Variants in NRG3 observed in about 807,000 individuals in gnomAD.
NRG3 encodes neuregulin 3, also known as pro-neuregulin-3, membrane-bound isoform.
NRG3 carries 31 observed loss-of-function variants against 66.9 expected under a neutral mutation model. The ratio of observed to expected loss-of-function variants is 0.46; its 90% CI spans 0.35 to 0.63. The LOEUF is 0.63. Ranked by LOEUF, NRG3 falls within the 20% of genes least tolerant of loss-of-function variation. The probability of loss-of-function intolerance (pLI) is 0.00; values close to 1 mark genes in which losing one functional copy is unlikely to be tolerated. For missense variants in NRG3, 910 were observed against 878.9 expected, an observed-to-expected ratio of 1.04 and a Z score of -0.45; for synonymous variants, 393 against 359.4, an observed-to-expected ratio of 1.09 and a Z score of -1.06.
intron 1 of NRG3, among the ~76,000 whole-genome samples, chr10:81,952,146 A>T (rs1464276855): frequency 6.6e-6 from 1 of 152,142 alleles, no homozygotes; most frequent in African/African-American, 2.4e-5. Flanking sequence ...ATGTTAAATG[A>T]CGAGTTACTG....
rs1435761142 is a variant in NRG3, at chr10:82,738,580, C to T, written c.957C>T (p.Cys319=). Reference sequence around the variant, plus strand: ...GTCATTTATCCCCTTTTCTCAGGTGCAAAGAAGGCTACCAAGGAGTCCGTT... The same window carrying T: ...GTCATTTATCCCCTTTTCTCAGGTGTAAAGAAGGCTACCAAGGAGTCCGTT... The part of the protein sequence containing the change: ...TLTGSHKHCR[C]KEGYQGVRCD... Residue 319 remains cysteine (C), a synonymous_variant, in exon 3 of 9, where the codon TGC becomes TGT. Coordinates refer to ENST00000372141, the MANE Select transcript of NRG3 (RefSeq NM_001010848.4). 2 of 1,613,876 alleles carry T rather than the reference C, an allele frequency of 1.2e-6. No homozygotes were observed. Among genetic ancestry groups the T allele is most frequent in the Admixed American group, 3.3e-5 (2 of 60,018 alleles).
chr10:82,734,996 G>T (rs1436940010), intron 2 of NRG3, among the ~76,000 whole-genome samples: 2 of 131,488 alleles, frequency 1.5e-5, no homozygotes, highest in Non-Finnish European at 3.1e-5. Flanking sequence ...AACAGAGTAA[G>T]ACTCTGCCTC....
intron 2 of NRG3, among the ~76,000 whole-genome samples, chr10:82,587,760 G>C (rs1303258322): frequency 6.6e-6 from 1 of 152,164 alleles, no homozygotes; most frequent in Non-Finnish European, 1.5e-5. Flanking sequence ...ACATGAATTT[G>C]AGTGACATTT....
intron 1 of NRG3, among the ~76,000 whole-genome samples, chr10:81,943,502 T>C (rs577312818): frequency 2.0e-5 from 3 of 152,328 alleles, no homozygotes; most frequent in African/African-American, 7.2e-5. Flanking sequence ...TAAAATGGCA[T>C]TGAAGAGAGA....
chr10:82,475,059 G>T (rs914772202), intron 2 of NRG3, among the ~76,000 whole-genome samples: 1 of 151,080 alleles, frequency 6.6e-6, no homozygotes, highest in Non-Finnish European at 1.5e-5. Context: ...TAAAAACCTC[G>T]AAAAACAGCA....
intron 2 of NRG3, among the ~76,000 whole-genome samples, chr10:82,688,645 A>G (rs2054687726): frequency 6.6e-6 from 1 of 152,216 alleles, no homozygotes. Flanking sequence ...AATCACAACA[A>G]TATTTATTTC....
At chr10:82,982,338 C>T (rs1853011923) in intron 8 of NRG3, among the ~76,000 whole-genome samples, 1 of 152,144 alleles carries the variant, frequency 6.6e-6, no homozygotes, top group South Asian at 2.1e-4. Flanking sequence ...TGCTTCGACT[C>T]ACATAGTTAC....
At chr10:82,029,824 T>A (rs1479555977) in intron 1 of NRG3, among the ~76,000 whole-genome samples, 1 of 152,044 alleles carries the variant, frequency 6.6e-6, no homozygotes, top group Non-Finnish European at 1.5e-5. Context: ...ATGAGCTAAT[T>A]AGGAGTTTGG....
chr10:82,221,277 A>C (rs571697852), intron 1 of NRG3, among the ~76,000 whole-genome samples: 11 of 152,226 alleles, frequency 7.2e-5, no homozygotes, highest in African/African-American at 2.4e-4. Context: ...AGGAAAAAAA[A>C]AAAACAGGCC....
chr10:82,703,389 C>T (rs936298387), intron 2 of NRG3, among the ~76,000 whole-genome samples: 3 of 152,080 alleles, frequency 2.0e-5, no homozygotes, highest in African/African-American at 7.2e-5. Context: ...CTCAATGACC[C>T]TAACTTGGAT....
intron 6 of NRG3, among the ~76,000 whole-genome samples, chr10:82,971,861 T>G (rs573741387): frequency 1.3e-5 from 2 of 152,316 alleles, no homozygotes; most frequent in Non-Finnish European, 1.5e-5. Flanking sequence ...TAAAATGCAT[T>G]TTATACATAA....
intron 1 of NRG3, among the ~76,000 whole-genome samples, chr10:82,190,114 C>T (rs1176978987): frequency 1.3e-5 from 2 of 152,096 alleles, no homozygotes; most frequent in Non-Finnish European, 2.9e-5. Context: ...GTGTCTTTGA[C>T]AAAACACCTT....
chr10:82,549,051 A>G (rs751589967), intron 2 of NRG3, among the ~76,000 whole-genome samples: 6 of 152,236 alleles, frequency 3.9e-5, no homozygotes, highest in Admixed American at 1.3e-4. Context: ...TTGGAGTCCA[A>G]CAGTGCTGAG....
At chr10:82,362,548 G>GTTTTTTTT (rs10694679) in intron 2 of NRG3, among the ~76,000 whole-genome samples, 924 of 83,112 alleles carry the variant, frequency 0.011, 125 homozygotes, top group African/African-American at 0.042. Context: ...TAATTTCTGG[G>GTTTTTTTT]TTTTTTTTTT....
intron 1 of NRG3, among the ~76,000 whole-genome samples, chr10:82,257,053 G>A (rs2077767718): frequency 6.6e-6 from 1 of 152,136 alleles, no homozygotes; most frequent in South Asian, 2.1e-4. Flanking sequence ...TTATAACAGC[G>A]ACTTCAGCTC....
intron 2 of NRG3, among the ~76,000 whole-genome samples, chr10:82,675,903 A>C (rs986474956): frequency 3.3e-5 from 5 of 152,220 alleles, no homozygotes; most frequent in African/African-American, 4.8e-5. Context: ...TTGTATCTAC[A>C]TAACTAGGCA....
chr10:82,953,403 C>T (rs1166514793), intron 5 of NRG3, among the ~76,000 whole-genome samples: 1 of 152,008 alleles, frequency 6.6e-6, no homozygotes, highest in Admixed American at 6.5e-5. Context: ...TACTGGTTCA[C>T]ATAGTCCTTC....
chr10:81,982,121 A>T (rs2133474099), intron 1 of NRG3, among the ~76,000 whole-genome samples: 1 of 152,250 alleles, frequency 6.6e-6, no homozygotes, highest in African/African-American at 2.4e-5. Flanking sequence ...GTTTACTATA[A>T]GCAGTAAGGA....
chr10:82,898,894 G>A (rs1843938057), intron 4 of NRG3, among the ~76,000 whole-genome samples: 2 of 151,702 alleles, frequency 1.3e-5, no homozygotes, highest in South Asian at 2.1e-4. Context: ...TGTATTTTTA[G>A]TAGAGACAAA....
Sources: gnomAD v4.1 joint callset for allele counts (sites outside exome capture counted in the v4.1 genomes callset) on GRCh38, gnomAD v4.1.1 for gene constraint, MANE v1.5 for transcripts, NCBI Gene and HGNC (gene_info 2026-07-23, HGNC 2026-07-21) for gene names.